The following EDRF1 variants were observed in gnomAD, a reference collection of about 807,000 sequenced individuals.
EDRF1 encodes the protein erythroid differentiation-related factor 1.
EDRF1 carries 69 observed loss-of-function variants against 148.7 expected under a neutral mutation model. The observed-to-expected ratio is 0.46, with a 90% CI of 0.38 to 0.57. The LOEUF (loss-of-function observed/expected upper bound fraction) is 0.57, where lower values mean the gene tolerates loss of function less well. Ranked by LOEUF, EDRF1 falls within the 20% of genes least tolerant of loss-of-function variation. EDRF1 has a pLI of 0.00. For missense variants in EDRF1, 1,118 were observed against 1,478.7 expected (o/e 0.76, Z 4.00); for synonymous variants, 515 against 532.8 (o/e 0.97, Z 0.46).
rs1219837604 is a variant in EDRF1, at chr10:125,729,011, G to A, written c.801G>A (p.Glu267=). 1 of 1,578,386 alleles carries A rather than the reference G, an allele frequency of 6.3e-7. No homozygotes were observed. Among genetic ancestry groups the A allele is most frequent in the Non-Finnish European group, 8.5e-7 (1 of 1,169,792 alleles). Residue 267 remains glutamate, a synonymous_variant, in exon 7 of 25, where the codon GAG becomes GAA. Transcript: ENST00000356792. ...CCTTGCACTTTTCACAGGGAAGTGA[G>A]CCTCTTGAACCCTCATACATAGTGG... The part of the protein sequence containing the change: ...EDPSASSQGS[E]PLEPSYIVGH...
chr10:125,725,762 A>G lies in EDRF1; in HGVS notation c.716A>G (p.Asp239Gly). 1 of 1,614,104 alleles carries G rather than the reference A, an allele frequency of 6.2e-7. No individual in the cohort carries two copies. Residue 239 changes from aspartate to glycine, a missense_variant, in exon 6 of 25, where the codon GAT (aspartate) becomes GGT (glycine). Around this residue, in one of 3 missense-constraint regions of EDRF1, gnomAD observed 954 missense variants for 1,241.4 expected, o/e 0.77. Transcript: ENST00000356792. ...QESSSSDQTN[D>G]SEGASWPAPF... ...TCGTCCAGTTCAGATCAGACAAATG[A>G]TTCGGAAGGGGCTTCATGGCCTGCT...
rs1169971330 is a variant in EDRF1 at position 125,735,780 on chromosome 10, G to A, written c.1634G>A (p.Ser545Asn). ...YSEEEEEMPD[S>N]DENGSYSTSS... The stretch of plus-strand genomic sequence containing the variant: ...GAAGAGGAGGAAGAGATGCCCGACA[G>A]TGATGAAAATGGATCCTATAGCACC... The change falls in exon 13 of 25, where the codon AGT becomes AAT. Residue 545 changes from serine to asparagine, a missense_variant. Transcript: ENST00000356792. The A allele has an allele frequency of 1.2e-6, 2 of 1,613,888 alleles. No homozygotes were observed. Among genetic ancestry groups the A allele is most frequent in the South Asian group, 1.1e-5 (1 of 91,078 alleles).
At chr10:125,720,288 T>G (rs1475528636) in intron 1 of EDRF1, among the ~76,000 whole-genome samples, 1 of 152,114 alleles carries the variant, frequency 6.6e-6, no homozygotes, top group Non-Finnish European at 1.5e-5. Flanking sequence ...AGGTACTGCG[T>G]GAAAGGTTAG....
chr10:125,750,032 T>C (rs1276759894), intron 22 of EDRF1, among the ~76,000 whole-genome samples: 1 of 152,064 alleles, frequency 6.6e-6, no homozygotes, highest in East Asian at 1.9e-4. Flanking sequence ...TCCCAGCTAC[T>C]GAGGAGGTTG....
intron 21 of EDRF1, 153 bp downstream of exon 21, chr10:125,748,165 G>C: frequency 2.3e-6 from 2 of 862,328 alleles, no homozygotes; most frequent in South Asian, 2.9e-5. Flanking sequence ...GCCTTTTTTT[G>C]TGCTGTGCCA....
chr10:125,762,442 A>G (rs1291575134), intron 24 of EDRF1, among the ~76,000 whole-genome samples: 2 of 151,384 alleles, frequency 1.3e-5, no homozygotes, highest in South Asian at 2.1e-4. Context: ...TGGAATTGTT[A>G]CCTGGTATCT....
intron 24 of EDRF1, chr10:125,761,412 C>G (rs1157647055): frequency 1.0e-5 from 2 of 198,386 alleles, no homozygotes; most frequent in African/African-American, 4.7e-5. Context: ...ATTTTGGTGG[C>G]TTTGCGGTTT....
chr10:125,755,525 A>G (rs538733624), intron 24 of EDRF1, among the ~76,000 whole-genome samples: 7 of 152,306 alleles, frequency 4.6e-5, no homozygotes, highest in African/African-American at 1.2e-4. Flanking sequence ...CTGTGGGTTC[A>G]TGTTCCCTCT....
At chr10:125,719,980 G>A (rs1242374644) in intron 1 of EDRF1, 65 bp downstream of exon 1, 2 of 1,437,858 alleles carry the variant, frequency 1.4e-6, no homozygotes, top group East Asian at 2.3e-5. Context: ...CCACCGGGGA[G>A]GGATGCCACG....
At chr10:125,747,163 C>T (rs1849399098) in intron 19 of EDRF1, 1 of 198,860 alleles carries the variant, frequency 5.0e-6, no homozygotes, top group Admixed American at 5.5e-5. Flanking sequence ...CTTCTTTTTA[C>T]GTAAAATTTG....
chr10:125,739,677 A>G (rs1031255876), intron 15 of EDRF1, among the ~76,000 whole-genome samples: 1 of 152,254 alleles, frequency 6.6e-6, no homozygotes, highest in Non-Finnish European at 1.5e-5. Flanking sequence ...CTTGTGTTCT[A>G]GCTGATTAAA....
rs777914566 is a variant in EDRF1, at chr10:125,729,041, T to C, written c.831T>C (p.His277=). 7.6e-6 allele frequency: 12 copies of C among 1,583,434 alleles called. No homozygotes were observed. Among genetic ancestry groups the C allele is most frequent in the East Asian group, 2.2e-5 (1 of 44,464 alleles). Residue 277 remains histidine (H), a synonymous_variant, in exon 7 of 25, where the codon CAT becomes CAC. Transcript: ENST00000356792. ...EPLEPSYIVG[H]VASAPKEQNL... is the part of the protein sequence containing the mutation. ...TTGAACCCTCATACATAGTGGGGCA[T>C]GTGGCCTCAGCCCCCAAAGAACAAA...
intron 15 of EDRF1, 125 bp from the exon 16 acceptor site, chr10:125,740,338 T>C: frequency 1.0e-6 from 1 of 985,324 alleles, no homozygotes. Flanking sequence ...CAGTAAAGCA[T>C]AGTATTTACC....
chr10:125,756,290 C>T (rs1849893854), intron 24 of EDRF1, among the ~76,000 whole-genome samples: 2 of 152,154 alleles, frequency 1.3e-5, no homozygotes, highest in African/African-American at 4.8e-5. Flanking sequence ...CTATTATGTG[C>T]TGAGACCATA....
intron 24 of EDRF1, among the ~76,000 whole-genome samples, chr10:125,756,445 G>C (rs993324317): frequency 6.6e-6 from 1 of 152,188 alleles, no homozygotes; most frequent in African/African-American, 2.4e-5. Context: ...TGTCAGTTAG[G>C]TTAAGCGTGT....
chr10:125,723,688 A>G (rs1848115082), intron 3 of EDRF1, 123 bp from the exon 4 acceptor site: 5 of 1,059,908 alleles, frequency 4.7e-6, no homozygotes, highest in African/African-American at 1.6e-5. Flanking sequence ...TTAAAGTTCT[A>G]TTTGTATAAC....
intron 2 of EDRF1, 70 bp from the exon 3 acceptor site, chr10:125,722,998 T>A (rs1377727851): frequency 8.3e-7 from 1 of 1,204,798 alleles, no homozygotes; most frequent in Non-Finnish European, 1.2e-6. Flanking sequence ...GCTACAGTAT[T>A]GTTATTAAGC....
chr10:125,760,155 A>C (rs1157348494), intron 24 of EDRF1, among the ~76,000 whole-genome samples: 2 of 152,268 alleles, frequency 1.3e-5, no homozygotes, highest in African/African-American at 4.8e-5. Flanking sequence ...TATGGTAACA[A>C]GGCTTGGAAA....
intron 5 of EDRF1, 119 bp from the exon 6 acceptor site, chr10:125,725,563 A>G (rs950527752): frequency 1.1e-5 from 18 of 1,566,346 alleles, no homozygotes; most frequent in Non-Finnish European, 1.5e-5. Flanking sequence ...CATTTGTTTC[A>G]TATTTCTTTT....
Sources: allele counts gnomAD v4.1 joint callset (sites outside exome capture counted in the v4.1 genomes callset), GRCh38; gene constraint gnomAD v4.1.1; regional missense constraint gnomAD v4.1.1; transcripts MANE v1.5; gene names NCBI Gene and HGNC (gene_info 2026-07-23, HGNC 2026-07-21).